NAA15: variants seen among roughly 807,000 people sequenced by gnomAD.
The protein encoded by NAA15 is N-terminal acetyltransferase.
In NAA15, 34 loss-of-function variants were observed where a neutral mutation model predicts 114.0. The observed-to-expected ratio is 0.30, with a 90% CI of 0.23 to 0.40. The LOEUF is 0.40. Ranked by LOEUF, NAA15 falls within the 10% of genes least tolerant of loss-of-function variation. The probability of loss-of-function intolerance (pLI) is 1.00; values close to 1 mark genes in which losing one functional copy is unlikely to be tolerated. For missense variants in NAA15, 658 were observed against 1,004.5 expected, an observed-to-expected ratio of 0.66 and a Z score of 4.66; for synonymous variants, 340 against 338.0, an observed-to-expected ratio of 1.01 and a Z score of -0.06.
chr4:139,352,662 C>CTTTTT (rs746490411), intron 9 of NAA15, among the ~76,000 whole-genome samples: 86 of 103,288 alleles, frequency 8.3e-4, no homozygotes, highest in Non-Finnish European at 1.1e-3. Context: ...CATAAAATAT[C>CTTTTT]TTTTTTTTTT....
chr4:139,357,383 A>C lies in NAA15; in HGVS notation c.1088-3A>C, dbSNP rs1747991824. The C allele has an allele frequency of 6.2e-7, 1 of 1,613,470 alleles. No homozygotes were observed. The stretch of plus-strand genomic sequence containing the variant: ...CTTGGTTTCTTCTCCCTCTTCTCCT[A>C]AGATGATGGAAAGGAGGAACCACCA... On this transcript the variant is annotated splice_polypyrimidine_tract_variant and splice_region_variant and intron_variant, in intron 10 of 19. Coordinates refer to ENST00000296543, the MANE Select transcript of NAA15 (RefSeq NM_057175.5).
intron 13 of NAA15, among the ~76,000 whole-genome samples, chr4:139,361,019 T>G (rs1365378041): frequency 6.6e-6 from 1 of 152,196 alleles, no homozygotes; most frequent in African/African-American, 2.4e-5. Context: ...GGAAGACTTT[T>G]CACAATATTT....
chr4:139,329,906 G>A (rs539515442), intron 1 of NAA15, among the ~76,000 whole-genome samples: 1 of 152,256 alleles, frequency 6.6e-6, no homozygotes, highest in Non-Finnish European at 1.5e-5. Flanking sequence ...TTCCTGTGCT[G>A]TGAGCTAGGA....
chr4:139,358,565 T>G (rs1748037821), intron 11 of NAA15, among the ~76,000 whole-genome samples: 1 of 152,084 alleles, frequency 6.6e-6, no homozygotes, highest in African/African-American at 2.4e-5. Context: ...TTTAAAAAAA[T>G]TATACTTTAA....
At chr4:139,345,813 C>T (rs539519097) in intron 6 of NAA15, among the ~76,000 whole-genome samples, 21 of 151,946 alleles carry the variant, frequency 1.4e-4, no homozygotes, top group Middle Eastern at 3.4e-3. Flanking sequence ...CCCAGCTACT[C>T]GGGAGGCTGA....
At chr4:139,345,840 G>A (rs1313126550) in intron 6 of NAA15, among the ~76,000 whole-genome samples, 2 of 152,094 alleles carry the variant, frequency 1.3e-5, no homozygotes, top group African/African-American at 4.8e-5. Flanking sequence ...AGAACGGCGT[G>A]AACCTGGGAG....
In NAA15 at chr4:139,357,472, A is replaced by C. The variant is rs189452543; in HGVS notation, c.1174A>C (p.Ile392Leu). The change falls in exon 11 of 20, where the codon ATT becomes CTT. Residue 392 changes from isoleucine (I) to leucine (L), a missense_variant. Coordinates refer to ENST00000296543, the MANE Select transcript of NAA15 (RefSeq NM_057175.5). ...QHYDKIGQPS[I>L]ALEYINTAIE... is the part of the protein sequence containing the mutation. ...TTATGACAAAATTGGTCAGCCATCT[A>C]TTGCTTTGGAGTACATAAATACTGC... 1.2e-6 allele frequency: 2 copies of C among 1,613,552 alleles called. No individual in the cohort carries two copies. The highest frequency in any genetic ancestry group is 3.3e-5 in the Admixed American group (2 of 60,008).
rs1271547614 is a variant in NAA15, at chr4:139,351,496, T to C, written c.908-9T>C. On this transcript the variant is annotated splice_polypyrimidine_tract_variant and intron_variant, in intron 8 of 19. Transcript: ENST00000296543. ...TAAATATAAGCGAAAAGGATTTTTC[T>C]CTTCCAAGGTGAGAAGTTTAAAGAA... The C allele has an allele frequency of 4.7e-6, 7 of 1,501,840 alleles. No individual in the cohort carries two copies. The highest frequency in any genetic ancestry group is 1.2e-5 in the South Asian group (1 of 86,354). The allele number at this position is 1,501,840 out of a possible 1,614,324, so 93.0% of individuals were successfully genotyped here.
At chr4:139,318,653 A>T (rs1220261928) in intron 1 of NAA15, among the ~76,000 whole-genome samples, 1 of 152,114 alleles carries the variant, frequency 6.6e-6, no homozygotes, top group Non-Finnish European at 1.5e-5. Flanking sequence ...CAGGAGTTCA[A>T]GACCAGCCTG....
At chr4:139,361,469 A>G (rs1213595666) in intron 13 of NAA15, among the ~76,000 whole-genome samples, 2 of 152,202 alleles carry the variant, frequency 1.3e-5, no homozygotes, top group African/African-American at 4.8e-5. Context: ...GGGATAATGA[A>G]TAAACATTTT....
chr4:139,315,028 T>C (rs530125944), intron 1 of NAA15, among the ~76,000 whole-genome samples: 2,773 of 116,724 alleles, frequency 0.024, 253 homozygotes, highest in Admixed American at 0.049. Flanking sequence ...TAGGTTAGGT[T>C]AGGTTAGGTT....
chr4:139,350,292 T>C (rs1443917381), intron 7 of NAA15, among the ~76,000 whole-genome samples: 2 of 152,088 alleles, frequency 1.3e-5, no homozygotes, highest in African/African-American at 2.4e-5. Flanking sequence ...TAAAAGGAAA[T>C]TTCCACTGAC....
intron 6 of NAA15, among the ~76,000 whole-genome samples, chr4:139,344,659 CAG>C (rs1373331933): frequency 2.0e-5 from 3 of 152,086 alleles, no homozygotes; most frequent in East Asian, 3.8e-4. Context: ...TTTTATAAGA[CAG>C]AGGATGACAT....
chr4:139,301,974 T>C (rs1745781030), intron 1 of NAA15, 143 bp downstream of exon 1: 3 of 856,316 alleles, frequency 3.5e-6, no homozygotes, highest in South Asian at 3.7e-5. Flanking sequence ...AATGCATTGC[T>C]TTGCTCCCTC....
At chr4:139,302,849 A>G (rs1267288952) in intron 1 of NAA15, among the ~76,000 whole-genome samples, 1 of 152,186 alleles carries the variant, frequency 6.6e-6, no homozygotes, top group African/African-American at 2.4e-5. Context: ...TAATTAACAC[A>G]TTGTAGCACA....
intron 15 of NAA15, among the ~76,000 whole-genome samples, chr4:139,372,948 ATGATC>A (rs147012254): frequency 0.012 from 1,801 of 152,130 alleles, 11 homozygotes; most frequent in East Asian, 0.03. Flanking sequence ...GTGCAGTGGC[ATGATC>A]TTGGCTCACT....
chr4:139,350,506 A>G (rs1747741767), intron 7 of NAA15, among the ~76,000 whole-genome samples: 1 of 152,154 alleles, frequency 6.6e-6, no homozygotes, highest in African/African-American at 2.4e-5. Flanking sequence ...AGTGGGGTCC[A>G]CTTGTGGGAA....
At chr4:139,309,088 C>G (rs1746126721) in intron 1 of NAA15, among the ~76,000 whole-genome samples, 1 of 151,788 alleles carries the variant, frequency 6.6e-6, no homozygotes, top group Admixed American at 6.6e-5. Context: ...TGGCTCACGC[C>G]TGTAATCCCA....
intron 4 of NAA15, among the ~76,000 whole-genome samples, chr4:139,342,480 T>TG (rs910936442): frequency 1.1e-4 from 8 of 75,668 alleles, no homozygotes; most frequent in African/African-American, 5.0e-4. Flanking sequence ...TTAATGTGTG[T>TG]TTTTTTTTTT....
Sources: gnomAD v4.1 joint callset for allele counts (sites outside exome capture counted in the v4.1 genomes callset) on GRCh38, gnomAD v4.1.1 for gene constraint, MANE v1.5 for transcripts, NCBI Gene and HGNC (gene_info 2026-07-23, HGNC 2026-07-21) for gene names.